LRBA: variants seen among roughly 807,000 people sequenced by gnomAD.
LRBA encodes lipopolysaccharide-responsive and beige-like anchor protein.
LRBA carries 176 observed loss-of-function variants against 330.0 expected under a neutral mutation model. The observed-to-expected ratio is 0.53, with a 90% CI of 0.47 to 0.60. The LOEUF is 0.60. Among genes scored for constraint, LRBA ranks in the 20% least tolerant of loss-of-function variants. LRBA has a pLI of 0.00. For missense variants in LRBA, 3,259 were observed against 3,444.8 expected, an observed-to-expected ratio of 0.95 and a Z score of 1.35; for synonymous variants, 1,230 against 1,193.0, an observed-to-expected ratio of 1.03 and a Z score of -0.64.
At chr4:150,863,304 A>T (rs376672180) in intron 22 of LRBA, among the ~76,000 whole-genome samples, 2 of 151,922 alleles carry the variant, frequency 1.3e-5, no homozygotes, top group African/African-American at 4.8e-5. Context: ...CTTTCTCTAT[A>T]TCCTTATTCT....
At chr4:150,358,332 G>A (rs1224365275) in intron 47 of LRBA, among the ~76,000 whole-genome samples, 1 of 152,090 alleles carries the variant, frequency 6.6e-6, no homozygotes, top group Non-Finnish European at 1.5e-5. Context: ...AATGTGAAGA[G>A]TATAAGGAGA....
At chr4:150,987,017 T>C (rs1428128608) in intron 2 of LRBA, among the ~76,000 whole-genome samples, 3 of 152,224 alleles carry the variant, frequency 2.0e-5, no homozygotes, top group Non-Finnish European at 4.4e-5. Flanking sequence ...AACAGCCTCA[T>C]TAGAGTCAAA....
chr4:150,560,598 G>A (rs1328222626), intron 40 of LRBA, among the ~76,000 whole-genome samples: 1 of 152,094 alleles, frequency 6.6e-6, no homozygotes, highest in Non-Finnish European at 1.5e-5. Context: ...CTTGTTTAAA[G>A]GGTTTCTGTA....
At chr4:150,549,689 CT>C (rs1269988244) in intron 40 of LRBA, among the ~76,000 whole-genome samples, 1 of 152,176 alleles carries the variant, frequency 6.6e-6, no homozygotes, top group East Asian at 1.9e-4. Flanking sequence ...TATTTTAATA[CT>C]TTTCAAAGTG....
At chr4:150,505,354 AAAG>A (rs1760910377) in intron 40 of LRBA, among the ~76,000 whole-genome samples, 1 of 152,222 alleles carries the variant, frequency 6.6e-6, no homozygotes, top group Non-Finnish European at 1.5e-5. Flanking sequence ...AGCAAATGTA[AAAG>A]AACAGAAATT....
At chr4:150,507,234 G>T (rs1257209868) in intron 40 of LRBA, among the ~76,000 whole-genome samples, 1 of 151,904 alleles carries the variant, frequency 6.6e-6, no homozygotes, top group Admixed American at 6.6e-5. Context: ...CTACTTTAAA[G>T]TTCATATGGA....
At chr4:150,496,845 C>T (rs777703540) in intron 40 of LRBA, among the ~76,000 whole-genome samples, 7 of 151,984 alleles carry the variant, frequency 4.6e-5, no homozygotes, top group Non-Finnish European at 1.0e-4. Context: ...CATTTAACAT[C>T]AGGAAAAATG....
chr4:150,740,215 G>C (rs932451941), intron 35 of LRBA, among the ~76,000 whole-genome samples: 4 of 152,004 alleles, frequency 2.6e-5, no homozygotes, highest in African/African-American at 9.7e-5. Flanking sequence ...AATGCTTAGA[G>C]GGAAATTGAT....
Position 150,761,799 on chromosome 4 carries a change from G to T in LRBA, c.5629C>A (p.Leu1877Ile). 2.6e-6 allele frequency: 4 copies of T among 1,545,562 alleles called. No individual in the cohort carries two copies. The South Asian group carries it at 5.1e-5, about 20-fold the overall frequency. The change falls in exon 35 of 57, where the codon CTT becomes ATT. Residue 1877 changes from leucine to isoleucine, a missense_variant. Transcript: ENST00000651943. Reference sequence around the variant, plus strand: ...ATAAATTACCTTCCTTCATTGACAAGTTCGATAAAAGCAAGGCCTGCATTC... The same window carrying T: ...ATAAATTACCTTCCTTCATTGACAATTTCGATAAAAGCAAGGCCTGCATTC... Reference protein sequence around the residue: ...QKNAGLAFIELVNEGRLLSQT... With the variant: ...QKNAGLAFIEIVNEGRLLSQT...
At chr4:150,762,598 A>G (rs909565856) in intron 34 of LRBA, among the ~76,000 whole-genome samples, 1 of 151,930 alleles carries the variant, frequency 6.6e-6, no homozygotes, top group Non-Finnish European at 1.5e-5. Context: ...CCTAGATTTG[A>G]AAAATGCTCG....
intron 2 of LRBA, among the ~76,000 whole-genome samples, chr4:150,950,344 A>G (rs538927008): frequency 6.6e-6 from 1 of 152,314 alleles, no homozygotes; most frequent in South Asian, 2.1e-4. Flanking sequence ...AATCAATTTG[A>G]GTTTATGTTT....
At chr4:150,846,329 G>A (rs995490817) in intron 26 of LRBA, among the ~76,000 whole-genome samples, 1 of 152,062 alleles carries the variant, frequency 6.6e-6, no homozygotes, top group Non-Finnish European at 1.5e-5. Context: ...AGGAGATCGA[G>A]ACCATGCTGG....
Position 150,653,945 on chromosome 4 carries a change from T to C in LRBA, c.5921+29606A>G, listed in dbSNP as rs114622060. Among the ~76,000 whole-genome samples the C allele has an allele frequency of 4.6e-3, 695 of 152,246 alleles. 6 individuals carry two copies. Among genetic ancestry groups the C allele is most frequent in the African/African-American group, 0.016 (664 of 41,540 alleles). On this transcript the variant is annotated intron_variant, in intron 37 of 56. Coordinates refer to ENST00000651943, the MANE Select transcript of LRBA (RefSeq NM_001364905.1). ...TTCAGAGTAACAATAGCAATACTAC[T>C]ACTAAGAATAATCAATAATACTCCT...
intron 36 of LRBA, among the ~76,000 whole-genome samples, chr4:150,718,427 G>C (rs1018403352): frequency 3.3e-5 from 5 of 151,886 alleles, no homozygotes; most frequent in Non-Finnish European, 7.4e-5. Context: ...TGAATTCAAG[G>C]CTGAATACAG....
intron 40 of LRBA, among the ~76,000 whole-genome samples, chr4:150,561,673 A>C (rs908389911): frequency 3.9e-5 from 6 of 152,204 alleles, no homozygotes; most frequent in African/African-American, 1.4e-4. Context: ...ACGCTCTAGA[A>C]GAGAATGCAG....
At chr4:150,422,107 C>T (rs752240833) in intron 46 of LRBA, among the ~76,000 whole-genome samples, 9 of 152,028 alleles carry the variant, frequency 5.9e-5, no homozygotes, top group Non-Finnish European at 1.3e-4. Context: ...AAAAAGTAAA[C>T]AAAAATCAGT....
At chr4:150,675,428 T>G (rs937789085) in intron 37 of LRBA, among the ~76,000 whole-genome samples, 2 of 152,134 alleles carry the variant, frequency 1.3e-5, no homozygotes, top group Admixed American at 1.3e-4. Context: ...ATAAAAATAC[T>G]TGGCACAGGG....
intron 47 of LRBA, among the ~76,000 whole-genome samples, chr4:150,376,081 G>C (rs886564418): frequency 6.6e-6 from 1 of 152,150 alleles, no homozygotes; most frequent in African/African-American, 2.4e-5. Context: ...AGAGAGAAGG[G>C]CTGCAGAAAT....
At chr4:150,946,804 G>GA (rs1691175722) in intron 2 of LRBA, among the ~76,000 whole-genome samples, 1 of 151,050 alleles carries the variant, frequency 6.6e-6, no homozygotes, top group Non-Finnish European at 1.5e-5. Flanking sequence ...CTAGTTCTTT[G>GA]AAAAGATCAA....
Sources: gnomAD v4.1 joint callset for allele counts (sites outside exome capture counted in the v4.1 genomes callset) on GRCh38, gnomAD v4.1.1 for gene constraint, MANE v1.5 for transcripts, NCBI Gene and HGNC (gene_info 2026-07-23, HGNC 2026-07-21) for gene names.